Variants in PCDHA4 observed in about 807,000 individuals in gnomAD.
PCDHA4 encodes protocadherin alpha-4.
A neutral mutation model predicts 61.4 loss-of-function variants in PCDHA4; 49 were observed. That is an observed-to-expected ratio of 0.80 (90% CI 0.63 to 1.01). PCDHA4 has a LOEUF of 1.01. PCDHA4 is among the 50% of genes least tolerant of loss of function. The pLI is 0.00. For missense variants in PCDHA4, 1,254 were observed against 1,235.8 expected, an observed-to-expected ratio of 1.01 and a Z score of -0.22; for synonymous variants, 590 against 550.3, an observed-to-expected ratio of 1.07 and a Z score of -1.01.
chr5:140,982,701 T>C, intron 3 of PCDHA4, 138 bp downstream of exon 3: 1 of 1,383,086 alleles, frequency 7.2e-7, no homozygotes, highest in South Asian at 1.6e-5. Flanking sequence ...CATACATGAT[T>C]TCCTTACATA....
chr5:140,872,861 C>T (rs1554166414), intron 1 of PCDHA4, among the ~76,000 whole-genome samples: 1 of 152,182 alleles, frequency 6.6e-6, no homozygotes, highest in African/African-American at 2.4e-5. Context: ...TGAGTACCTA[C>T]TGACAATTAT....
chr5:140,917,741 C>G (rs2078335946), intron 1 of PCDHA4, among the ~76,000 whole-genome samples: 1 of 152,048 alleles, frequency 6.6e-6, no homozygotes, highest in Non-Finnish European at 1.5e-5. Flanking sequence ...CTAACCTGTC[C>G]CATTGGTCTA....
In PCDHA4 at chr5:140,836,728, C is replaced by G. The variant is rs1286648701; in HGVS notation, c.2385+27156C>G. The stretch of plus-strand genomic sequence containing the variant: ...CCCAGCCTTCCTCAGGGTCCATCCT[C>G]TACAGACAATGTGAGTCATAAATAA... On this transcript the variant is annotated intron_variant, in intron 1 of 3. Transcript: ENST00000530339. 5 of 1,610,268 alleles carry G rather than the reference C, an allele frequency of 3.1e-6. No individual in the cohort carries two copies. The African/African-American group carries it at 5.4e-5, about 17-fold the overall frequency.
chr5:140,876,181 G>T, intron 1 of PCDHA4: 1 of 1,613,982 alleles, frequency 6.2e-7, no homozygotes, highest in South Asian at 1.1e-5. Context: ...GGATGTGAAT[G>T]ACAATGGTCC....
intron 1 of PCDHA4, chr5:140,968,744 G>T: frequency 6.2e-7 from 1 of 1,614,164 alleles, no homozygotes; most frequent in Non-Finnish European, 8.5e-7. Context: ...CAACCTGACC[G>T]TGGTGGTCCG....
intron 1 of PCDHA4, chr5:140,877,428 G>A: frequency 6.2e-7 from 1 of 1,613,886 alleles, no homozygotes; most frequent in Non-Finnish European, 8.5e-7. Flanking sequence ...TGCTGGTGAA[G>A]GACCACGGTG....
intron 1 of PCDHA4, chr5:140,836,213 G>A (rs2150255570): frequency 1.9e-6 from 3 of 1,613,848 alleles, no homozygotes; most frequent in Non-Finnish European, 2.5e-6. Flanking sequence ...TTTCGTATGA[G>A]TTGCAACCGG....
chr5:140,989,237 A>C (rs2097333860), intron 3 of PCDHA4, among the ~76,000 whole-genome samples: 1 of 152,172 alleles, frequency 6.6e-6, no homozygotes, highest in African/African-American at 2.4e-5. Flanking sequence ...CTGAAGTTTT[A>C]AGCCCCTTGT....
chr5:140,862,857 T>C (rs782223560), intron 1 of PCDHA4: 7 of 517,122 alleles, frequency 1.4e-5, no homozygotes, highest in African/African-American at 1.1e-4. Context: ...TGAGCAGCAA[T>C]GTGACGCTGC....
chr5:140,823,188 C>T (rs1562269864), intron 1 of PCDHA4: 1 of 1,613,902 alleles, frequency 6.2e-7, no homozygotes, highest in Admixed American at 1.7e-5. Flanking sequence ...CGCCAGGCTG[C>T]CACATCTTCA....
chr5:140,932,351 A>C (rs1401387848), intron 1 of PCDHA4, among the ~76,000 whole-genome samples: 1 of 151,920 alleles, frequency 6.6e-6, no homozygotes, highest in Non-Finnish European at 1.5e-5. Flanking sequence ...TTACCATACA[A>C]CTGGCCTTAT....
rs782569898 is a variant in PCDHA4 at position 140,809,024 on chromosome 5, C to T, written c.1837C>T (p.Pro613Ser). The T allele has an allele frequency of 3.1e-6, 5 of 1,613,696 alleles. No individual in the cohort carries two copies. In the East Asian group the frequency reaches 1.1e-4, roughly 36 times the overall value. The change falls in exon 1 of 4, where the codon CCG (proline) becomes TCG (serine). Residue 613 changes from proline to serine, a missense_variant. By Grantham distance (74) the Pro-to-Ser change is moderately conservative. Transcript: ENST00000530339. ...YNAWLSYELQPGTGGARIPFR... is the reference protein window; with the variant it reads ...YNAWLSYELQSGTGGARIPFR... ...CGCGTGGCTTTCGTACGAGCTGCAG[C>T]CGGGGACTGGTGGCGCGCGCATCCC...
chr5:140,909,072 C>A (rs2074300655), intron 1 of PCDHA4, among the ~76,000 whole-genome samples: 1 of 152,162 alleles, frequency 6.6e-6, no homozygotes, highest in African/African-American at 2.4e-5. Flanking sequence ...CCAATAAGCC[C>A]AGTGTGTTTG....
rs1554124466 is a variant in PCDHA4, at chr5:140,808,232, G to T, written c.1045G>T (p.Asp349Tyr). ...AGAAGACAACAACGATAATGTCCCA[G>T]ATTTGGAATTCAAGTCTTTATCACT... ...EVEDNNDNVP[D>Y]LEFKSLSLPI... The change falls in exon 1 of 4, where the codon GAT becomes TAT. Residue 349 changes from aspartate to tyrosine, a missense_variant. Transcript: ENST00000530339. 1 of 1,614,240 alleles carries T rather than the reference G, an allele frequency of 6.2e-7. No homozygotes were observed. The highest frequency in any genetic ancestry group is 8.5e-7 in the Non-Finnish European group (1 of 1,180,044).
chr5:140,808,268 G>T lies in PCDHA4; in HGVS notation c.1081G>T (p.Glu361Ter), dbSNP rs569401882. ...EFKSLSLPIREDAPLGTVIAL... is the reference protein window; with the variant it reads ...EFKSLSLPIR ...CAAGTCTTTATCACTTCCAATTAGAGAGGACGCTCCACTGGGTACAGTCAT... is the reference window on the plus strand; with the variant it reads ...CAAGTCTTTATCACTTCCAATTAGATAGGACGCTCCACTGGGTACAGTCAT... The change falls in exon 1 of 4, where the codon GAG becomes TAG. Residue 361 changes from glutamate to a stop codon, truncating the protein, a stop_gained. Transcript: ENST00000530339. LOFTEE classifies it high-confidence loss of function. 2 of 1,614,250 alleles carry T rather than the reference G, an allele frequency of 1.2e-6. No homozygotes were observed. Among genetic ancestry groups the T allele is most frequent in the South Asian group, 2.2e-5 (2 of 91,088 alleles).
At chr5:140,851,029 C>G (rs1554145203) in intron 1 of PCDHA4, 3 of 1,410,832 alleles carry the variant, frequency 2.1e-6, no homozygotes, top group African/African-American at 2.9e-5. Context: ...AAGTAAACCC[C>G]TTAACATTGG....
intron 1 of PCDHA4, chr5:140,848,753 G>A (rs1405880656): frequency 2.5e-6 from 4 of 1,593,302 alleles, no homozygotes; most frequent in African/African-American, 1.3e-5. Context: ...TTTTGTTTGT[G>A]AATTCTCGGA....
chr5:140,948,150 T>C (rs1477987526), intron 1 of PCDHA4, among the ~76,000 whole-genome samples: 2 of 151,642 alleles, frequency 1.3e-5, no homozygotes, highest in Non-Finnish European at 3.0e-5. Flanking sequence ...TTTTTGAATG[T>C]TGGAAAAAAC....
At chr5:140,986,181 G>A (rs531382269) in intron 3 of PCDHA4, among the ~76,000 whole-genome samples, 1 of 152,152 alleles carries the variant, frequency 6.6e-6, no homozygotes, top group Admixed American at 6.6e-5. Flanking sequence ...AACAAGTCAG[G>A]CATTAAATTG....
Sources: gnomAD v4.1 joint callset for allele counts (sites outside exome capture counted in the v4.1 genomes callset) on GRCh38, gnomAD v4.1.1 for gene constraint, MANE v1.5 for transcripts, NCBI Gene and HGNC (gene_info 2026-07-23, HGNC 2026-07-21) for gene names.